RUNX2: variants seen among roughly 807,000 people sequenced by gnomAD.
RUNX2 encodes the protein runt-related transcription factor 2.
A neutral mutation model predicts 51.7 loss-of-function variants in RUNX2; 10 were observed. That is an observed-to-expected ratio of 0.19 (90% CI 0.12 to 0.33). The LOEUF is 0.33. RUNX2 is among the 10% of genes least tolerant of loss of function. The pLI is 1.00. For synonymous variants in RUNX2, 276 were observed against 273.6 expected (o/e 1.01, Z -0.09); for missense variants, 562 against 691.3 (o/e 0.81, Z 2.10).
chr6:45,329,048 G>T (rs1052299732), intron 2 of RUNX2, among the ~76,000 whole-genome samples: 1 of 151,800 alleles, frequency 6.6e-6, no homozygotes, highest in Admixed American at 6.6e-5. Flanking sequence ...GAGTTATAGA[G>T]GTGAGGATAT....
intron 6 of RUNX2, among the ~76,000 whole-genome samples, chr6:45,511,891 A>G (rs1801161397): frequency 6.6e-6 from 1 of 152,342 alleles, no homozygotes; most frequent in Non-Finnish European, 1.5e-5. Flanking sequence ...AATTTTAGAG[A>G]TACAGAAAAT....
intron 2 of RUNX2, among the ~76,000 whole-genome samples, chr6:45,379,727 G>A (rs924973699): frequency 1.7e-4 from 26 of 152,074 alleles, no homozygotes; most frequent in Admixed American, 1.3e-3. Context: ...GTATCCGGGC[G>A]TGGTGGCACG....
chr6:45,375,720 T>C (rs1796684514), intron 2 of RUNX2, among the ~76,000 whole-genome samples: 1 of 152,192 alleles, frequency 6.6e-6, no homozygotes, highest in Admixed American at 6.5e-5. Flanking sequence ...AAGGGCACCA[T>C]TTTACAGACA....
intron 5 of RUNX2, among the ~76,000 whole-genome samples, chr6:45,459,574 T>C (rs1799414174): frequency 6.6e-6 from 1 of 152,266 alleles, no homozygotes; most frequent in Non-Finnish European, 1.5e-5. Flanking sequence ...ATGTTCATTC[T>C]TTCAACAAGT....
chr6:45,518,861 T>G (rs568083920), intron 7 of RUNX2, among the ~76,000 whole-genome samples: 1 of 152,328 alleles, frequency 6.6e-6, no homozygotes, highest in African/African-American at 2.4e-5. Flanking sequence ...GTATTAATTT[T>G]CTAACGATAG....
intron 2 of RUNX2, among the ~76,000 whole-genome samples, chr6:45,351,198 CA>C (rs1167315155): frequency 6.6e-6 from 1 of 151,918 alleles, no homozygotes; most frequent in Admixed American, 6.6e-5. Flanking sequence ...AAGATACATA[CA>C]AAAAAATTAT....
intron 7 of RUNX2, among the ~76,000 whole-genome samples, chr6:45,535,025 G>A (rs1563128507): frequency 6.6e-6 from 1 of 152,286 alleles, no homozygotes; most frequent in South Asian, 2.1e-4. Context: ...GTTCTTATAC[G>A]TGGGAGCCTG....
intron 5 of RUNX2, among the ~76,000 whole-genome samples, chr6:45,464,037 C>A (rs1438019054): frequency 1.3e-5 from 2 of 152,008 alleles, no homozygotes; most frequent in African/African-American, 4.8e-5. Context: ...ACTAAAAATA[C>A]AAAAAATTAG....
chr6:45,465,878 G>A (rs940443316), intron 5 of RUNX2, among the ~76,000 whole-genome samples: 13 of 151,506 alleles, frequency 8.6e-5, no homozygotes, highest in East Asian at 3.9e-4. Flanking sequence ...ACTGCTGGAC[G>A]CAAGCAATAC....
chr6:45,339,855 C>G (rs1460318909), intron 2 of RUNX2, among the ~76,000 whole-genome samples: 1 of 152,036 alleles, frequency 6.6e-6, no homozygotes, highest in African/African-American at 2.4e-5. Flanking sequence ...TGAAACTGTA[C>G]TTTGTTAGCT....
rs1276852976 is a variant in RUNX2 at position 45,422,483 on chromosome 6, C to A, written c.59-110C>A. Reference sequence around the variant, plus strand: ...CCCATCACCTCCATCCTCTTTCCCCCCGTCTCGCCTTCACCCCCCCAATTT... The same window carrying A: ...CCCATCACCTCCATCCTCTTTCCCCACGTCTCGCCTTCACCCCCCCAATTT... On this transcript the variant is annotated intron_variant, in intron 2 of 8. Transcript: ENST00000647337. 13 of 557,870 alleles carry A rather than the reference C, an allele frequency of 2.3e-5. 2 individuals carry two copies. Among genetic ancestry groups the A allele is most frequent in the Non-Finnish European group, 3.8e-5 (13 of 342,172 alleles). The allele number at this position is 557,870 out of a possible 1,614,324, so 34.6% of individuals were successfully genotyped here. A position where few individuals can be genotyped will look rare whatever the true frequency, so the allele number is the denominator to read the frequency against.
chr6:45,390,073 G>T (rs1249591672), intron 2 of RUNX2, among the ~76,000 whole-genome samples: 3 of 152,028 alleles, frequency 2.0e-5, no homozygotes, highest in Non-Finnish European at 2.9e-5. Flanking sequence ...AATAGGTCAG[G>T]CTATGATGGT....
chr6:45,544,588 C>T (rs1308276535), intron 7 of RUNX2, among the ~76,000 whole-genome samples: 3 of 152,168 alleles, frequency 2.0e-5, no homozygotes, highest in Non-Finnish European at 4.4e-5. Context: ...AGGGGGCACA[C>T]GTTGGCGTTT....
chr6:45,485,673 ATGTGTGTG>A (rs370831246), intron 5 of RUNX2, among the ~76,000 whole-genome samples: 4 of 124,232 alleles, frequency 3.2e-5, no homozygotes, highest in African/African-American at 6.3e-5. Context: ...ATGGATATGT[ATGTGTGTG>A]TGTGTGTGTG....
chr6:45,355,590 T>C (rs185982743), intron 2 of RUNX2, among the ~76,000 whole-genome samples: 63 of 152,276 alleles, frequency 4.1e-4, no homozygotes, highest in Admixed American at 4.0e-3. Context: ...TGTAGCATTA[T>C]TTTTCTTTGT....
At chr6:45,545,089 A>G (rs1344855663) in intron 7 of RUNX2, 128 bp from the exon 8 acceptor site, 1 of 778,144 alleles carries the variant, frequency 1.3e-6, no homozygotes, top group African/African-American at 1.7e-5. Flanking sequence ...GGAAATACTA[A>G]TGAGGGATGG....
chr6:45,416,246 T>G (rs1314396412), intron 2 of RUNX2, among the ~76,000 whole-genome samples: 1 of 152,240 alleles, frequency 6.6e-6, no homozygotes. Flanking sequence ...TTTGCTAGTT[T>G]GTAATTCAAA....
At chr6:45,426,954 A>T (rs1798398538) in intron 3 of RUNX2, among the ~76,000 whole-genome samples, 1 of 152,200 alleles carries the variant, frequency 6.6e-6, no homozygotes, top group African/African-American at 2.4e-5. Context: ...CATTGTATCT[A>T]AACTAGGGAA....
In RUNX2 at chr6:45,540,809, C is replaced by T. The variant is rs1582224589; in HGVS notation, c.1022-4408C>T. On this transcript the variant is annotated intron_variant, in intron 7 of 8. Transcript: ENST00000647337. ...GGGCTCCCTAGTGTGGATCTACACC[C>T]AGATACTGGCTGGGAGGCAGGACAG... Among the ~76,000 whole-genome samples, 4 of 151,890 alleles carry T rather than the reference C, an allele frequency of 2.6e-5. No individual in the cohort carries two copies. The South Asian group carries it at 8.3e-4, about 32-fold the overall frequency.
Sources: allele counts gnomAD v4.1 joint callset (sites outside exome capture counted in the v4.1 genomes callset), GRCh38; gene constraint gnomAD v4.1.1; transcripts MANE v1.5; gene names NCBI Gene and HGNC (gene_info 2026-07-23, HGNC 2026-07-21).